Variants in TAS2R1 observed in about 807,000 individuals in gnomAD.
TAS2R1 encodes the protein taste receptor type 2 member 1.
For synonymous variants in TAS2R1, 141 were observed against 134.2 expected, an observed-to-expected ratio of 1.05 and a Z score of -0.35; for missense variants, 370 against 353.4, an observed-to-expected ratio of 1.05 and a Z score of -0.38.
rs559159993 is a variant in TAS2R1 at position 9,637,202 on chromosome 5, G to A, written c.-80-7210C>T. 2.0e-5 allele frequency among the ~76,000 whole-genome samples: 3 copies of A among 152,188 alleles called. No homozygotes were observed. In the East Asian group the frequency reaches 5.8e-4, roughly 29 times the overall value. On this transcript the variant is annotated intron_variant, in intron 2 of 2. Transcript: ENST00000506620. ...CATTTATGAAGCTTAGTTTTGCTGG[G>A]TACAAAATTCCTGGCTGACAATTAT...
In TAS2R1 at chr5:9,629,758, T is replaced by C. The variant is rs777671671; in HGVS notation, c.275A>G (p.Glu92Gly). 6.2e-6 allele frequency: 10 copies of C among 1,613,776 alleles called. No homozygotes were observed. The Admixed American group carries it at 1.0e-4, about 16-fold the overall frequency. ...CAILLFINEL[E>G]LWLATWLGVF... The stretch of plus-strand genomic sequence containing the variant: ...GCCGAGCCATGTGGCAAGCCAAAGT[T>C]CCAATTCATTTATAAATAAGAGAAT... Residue 92 changes from glutamate to glycine, a missense_variant, in exon 1 of 1, where the codon GAA (glutamate) becomes GGA (glycine). By Grantham distance (98) the Glu-to-Gly change is moderately conservative. Coordinates refer to ENST00000382492, the MANE Select transcript of TAS2R1 (RefSeq NM_019599.3).
At chr5:9,807,968 GA>G in the TAS2R1 span, among the ~76,000 whole-genome samples, 1 of 152,038 alleles carries the variant, frequency 6.6e-6, no homozygotes, top group Non-Finnish European at 1.5e-5. Context: ...AACTGAGACA[GA>G]AATTTGTACC....
chr5:9,795,886 C>A, the TAS2R1 span, among the ~76,000 whole-genome samples: 4 of 152,090 alleles, frequency 2.6e-5, no homozygotes, highest in Non-Finnish European at 4.4e-5. Flanking sequence ...GGGAGAGGAT[C>A]CACAGCTTCC....
At chr5:9,690,058 CTG>C (rs1360586246) in intron 1 of TAS2R1, among the ~76,000 whole-genome samples, 1 of 152,174 alleles carries the variant, frequency 6.6e-6, no homozygotes, top group Admixed American at 6.6e-5. Context: ...ACAACCAAAA[CTG>C]TATAGTAATC....
the TAS2R1 span, among the ~76,000 whole-genome samples, chr5:9,835,105 C>G: frequency 1.3e-5 from 2 of 152,158 alleles, no homozygotes; most frequent in African/African-American, 4.8e-5. Flanking sequence ...GGCTCAGAAA[C>G]GCCAAAGGAA....
chr5:9,836,855 C>A, the TAS2R1 span, among the ~76,000 whole-genome samples: 1 of 152,156 alleles, frequency 6.6e-6, no homozygotes, highest in Non-Finnish European at 1.5e-5. Context: ...TTATTTATAT[C>A]AGCAAAAAAC....
At chr5:9,873,595 G>C in the TAS2R1 span, among the ~76,000 whole-genome samples, 6 of 151,844 alleles carry the variant, frequency 4.0e-5, no homozygotes, top group African/African-American at 1.2e-4. Flanking sequence ...CGCTGGGCTC[G>C]GTGGCTCACA....
At chr5:9,657,738 G>A (rs1333184255) in intron 2 of TAS2R1, among the ~76,000 whole-genome samples, 3 of 152,130 alleles carry the variant, frequency 2.0e-5, no homozygotes, top group South Asian at 2.1e-4. Context: ...AGGGGCTGGC[G>A]GGGAGTGGGG....
At chr5:9,837,307 G>T in the TAS2R1 span, among the ~76,000 whole-genome samples, 1 of 152,192 alleles carries the variant, frequency 6.6e-6, no homozygotes, top group Non-Finnish European at 1.5e-5. Context: ...GGCTGGTTAT[G>T]GTGACGGATG....
the TAS2R1 span, among the ~76,000 whole-genome samples, chr5:9,796,735 A>G: frequency 0.01 from 1,526 of 146,944 alleles, 23 homozygotes; most frequent in African/African-American, 0.034. Flanking sequence ...AAAAAAAAAA[A>G]AAAAGAAAAG....
At chr5:9,846,678 A>T in the TAS2R1 span, among the ~76,000 whole-genome samples, 5 of 133,314 alleles carry the variant, frequency 3.8e-5, no homozygotes, top group Admixed American at 3.8e-4. Context: ...AAACACACAC[A>T]CATTGCACAC....
the TAS2R1 span, among the ~76,000 whole-genome samples, chr5:9,886,127 G>T: frequency 6.6e-6 from 1 of 151,666 alleles, no homozygotes; most frequent in Non-Finnish European, 1.5e-5. Flanking sequence ...CACCTCCCAG[G>T]TTCAAGCAAT....
At chr5:9,791,526 C>T in the TAS2R1 span, among the ~76,000 whole-genome samples, 3 of 152,072 alleles carry the variant, frequency 2.0e-5, no homozygotes, top group Non-Finnish European at 2.9e-5. Context: ...CAGTGAAACC[C>T]CATCTCTACT....
chr5:9,792,379 C>A, the TAS2R1 span, among the ~76,000 whole-genome samples: 2 of 152,094 alleles, frequency 1.3e-5, no homozygotes, highest in Non-Finnish European at 2.9e-5. Flanking sequence ...TATCTGGTAG[C>A]CTATAGATAT....
chr5:9,773,607 G>C, the TAS2R1 span, among the ~76,000 whole-genome samples: 1 of 152,130 alleles, frequency 6.6e-6, no homozygotes, highest in Non-Finnish European at 1.5e-5. Flanking sequence ...GGACAGGTCT[G>C]GTGTTGATGA....
intron 2 of TAS2R1, among the ~76,000 whole-genome samples, chr5:9,644,840 G>C (rs2126483728): frequency 6.6e-6 from 1 of 152,230 alleles, no homozygotes; most frequent in Non-Finnish European, 1.5e-5. Flanking sequence ...GTGAGTCAGA[G>C]CTTGCATTAC....
chr5:9,830,724 T>A, the TAS2R1 span, among the ~76,000 whole-genome samples: 2 of 152,108 alleles, frequency 1.3e-5, no homozygotes, highest in Non-Finnish European at 2.9e-5. Context: ...GATACCAAAG[T>A]AAGAATCATT....
upstream of TAS2R1, among the ~76,000 whole-genome samples, chr5:9,633,493 T>C (rs963045339): frequency 1.3e-5 from 2 of 151,690 alleles, no homozygotes; most frequent in Non-Finnish European, 2.9e-5. Flanking sequence ...CAAATGGTAG[T>C]TCTACTTTTA....
the TAS2R1 span, among the ~76,000 whole-genome samples, chr5:9,810,838 G>A: frequency 6.6e-6 from 1 of 152,104 alleles, no homozygotes; most frequent in South Asian, 2.1e-4. Flanking sequence ...TCTTCCAATG[G>A]AAAATGTTGC....
Sources: gnomAD v4.1 joint callset for allele counts (sites outside exome capture counted in the v4.1 genomes callset) on GRCh38, gnomAD v4.1.1 for gene constraint, MANE v1.5 for transcripts, NCBI Gene and HGNC (gene_info 2026-07-23, HGNC 2026-07-21) for gene names.